The following DNAH6 variants were observed in gnomAD, a reference collection of about 807,000 sequenced individuals.
DNAH6 encodes the protein dynein axonemal heavy chain 6.
A neutral mutation model predicts 491.4 loss-of-function variants in DNAH6; 340 were observed. The observed-to-expected ratio is 0.69, with a 90% CI of 0.63 to 0.76. The LOEUF (loss-of-function observed/expected upper bound fraction) is 0.76, where lower values mean the gene tolerates loss of function less well. DNAH6 is among the 30% of genes least tolerant of loss of function. The pLI is 0.00. For missense variants in DNAH6, 4,443 were observed against 4,972.2 expected, an observed-to-expected ratio of 0.89 and a Z score of 3.20; for synonymous variants, 1,603 against 1,686.1, an observed-to-expected ratio of 0.95 and a Z score of 1.21.
chr2:84,570,529 A>C (rs1216537354), intron 11 of DNAH6, among the ~76,000 whole-genome samples: 5 of 152,218 alleles, frequency 3.3e-5, no homozygotes, highest in African/African-American at 1.2e-4. Context: ...ACCAGTCAGC[A>C]CTCTGTGAAA....
intron 37 of DNAH6, among the ~76,000 whole-genome samples, chr2:84,664,154 G>C (rs1691828742): frequency 6.6e-6 from 1 of 152,124 alleles, no homozygotes; most frequent in Non-Finnish European, 1.5e-5. Flanking sequence ...ATGCCAAATA[G>C]TAAACATCAT....
chr2:84,692,030 T>A (rs1694909277), intron 45 of DNAH6, among the ~76,000 whole-genome samples: 2 of 152,254 alleles, frequency 1.3e-5, no homozygotes, highest in Admixed American at 6.5e-5. Flanking sequence ...TCCTAAATAA[T>A]GACTGGGAGT....
rs968606673 is a variant in DNAH6, at chr2:84,626,464, A to G, written c.4515+1401A>G. Among the ~76,000 whole-genome samples the G allele has an allele frequency of 2.6e-5, 4 of 152,172 alleles. No homozygotes were observed. In the East Asian group the frequency reaches 7.7e-4, roughly 29 times the overall value. ...CAAAGATTGTTCATAGTGGAATTTA[A>G]TAGAATAATTGGCCCCACAGAGAAA... On this transcript the variant is annotated intron_variant, in intron 29 of 76. Coordinates refer to ENST00000389394, the MANE Select transcript of DNAH6 (RefSeq NM_001370.2).
At chr2:84,734,467 T>A (rs1699380568) in intron 62 of DNAH6, among the ~76,000 whole-genome samples, 1 of 152,192 alleles carries the variant, frequency 6.6e-6, no homozygotes, top group African/African-American at 2.4e-5. Flanking sequence ...CATCTTTTTC[T>A]TATTTATAAT....
intron 46 of DNAH6, among the ~76,000 whole-genome samples, chr2:84,696,261 A>G (rs1695372944): frequency 6.6e-6 from 1 of 151,952 alleles, no homozygotes; most frequent in Non-Finnish European, 1.5e-5. Flanking sequence ...AGAAATTTTT[A>G]TTAAATTGTT....
chr2:84,604,542 T>A lies in DNAH6; in HGVS notation c.3072T>A (p.Ile1024=), dbSNP rs1029682765. The A allele has an allele frequency of 1.3e-6, 2 of 1,550,724 alleles. No individual in the cohort carries two copies. The highest frequency in any genetic ancestry group is 2.7e-5 in the African/African-American group (2 of 72,970). ...CTGGAGAAGCTGCCTTAGAAGCAAT[T>A]CTTAAAAAGGTAAATCTGGAATATA... ...QASGEAALEA[I]LKKVEDSWKT... Residue 1024 remains isoleucine (I), a synonymous_variant, in exon 19 of 77, where the codon ATT becomes ATA. Transcript: ENST00000389394.
chr2:84,519,227 A>G (rs72830181), intron 2 of DNAH6, among the ~76,000 whole-genome samples: 1 of 151,498 alleles, frequency 6.6e-6, no homozygotes, highest in Non-Finnish European at 1.5e-5. Flanking sequence ...GCTTGCCTCT[A>G]CTCCACTGGG....
upstream of DNAH6, among the ~76,000 whole-genome samples, chr2:84,513,176 A>T (rs891294979): frequency 6.6e-6 from 1 of 151,908 alleles, no homozygotes; most frequent in African/African-American, 2.4e-5. Flanking sequence ...TTTATAATTA[A>T]TTAAGTTTTT....
intron 11 of DNAH6, among the ~76,000 whole-genome samples, chr2:84,563,746 A>G (rs1263834668): frequency 1.3e-5 from 2 of 152,034 alleles, no homozygotes; most frequent in Non-Finnish European, 1.5e-5. Flanking sequence ...GTTTTTGCAA[A>G]CAACCAACAA....
At chr2:84,767,579 T>C (rs1475634273) in intron 64 of DNAH6, among the ~76,000 whole-genome samples, 3 of 151,964 alleles carry the variant, frequency 2.0e-5, no homozygotes, top group Non-Finnish European at 2.9e-5. Flanking sequence ...TATATATATA[T>C]ATAAAACTGA....
chr2:84,536,229 G>A (rs1023442057), intron 4 of DNAH6, among the ~76,000 whole-genome samples: 1 of 152,016 alleles, frequency 6.6e-6, no homozygotes, highest in Non-Finnish European at 1.5e-5. Flanking sequence ...GAATTGGGAA[G>A]TATTTTGCAA....
chr2:84,679,530 A>G (rs1014918383), intron 41 of DNAH6, among the ~76,000 whole-genome samples: 11 of 152,242 alleles, frequency 7.2e-5, no homozygotes, highest in African/African-American at 2.4e-4. Flanking sequence ...GATCAGCTCC[A>G]TAAACTAGTG....
chr2:84,798,969 ACTC>A (rs1678613573), intron 70 of DNAH6, among the ~76,000 whole-genome samples: 1 of 145,016 alleles, frequency 6.9e-6, no homozygotes, highest in Admixed American at 6.9e-5. Flanking sequence ...GGAGCTGGTC[ACTC>A]CTCTTTTTTT....
intron 32 of DNAH6, 89 bp from the exon 33 acceptor site, chr2:84,641,858 G>T (rs954721624): frequency 2.0e-6 from 2 of 1,010,556 alleles, no homozygotes; most frequent in Non-Finnish European, 2.9e-6. Flanking sequence ...AATCCTCAGG[G>T]GAAGGGCTCT....
At chr2:84,612,054 TTTA>T (rs1686396405) in intron 22 of DNAH6, among the ~76,000 whole-genome samples, 200 bp downstream of exon 22, 1 of 152,090 alleles carries the variant, frequency 6.6e-6, no homozygotes, top group Non-Finnish European at 1.5e-5. Context: ...TGGACTTTTT[TTTA>T]TTATTATTAT....
At position 84,766,413 on chromosome 2, in the gene DNAH6, C is replaced by A. The variant is rs180895717; in HGVS notation, c.10703+3468C>A. Reference sequence around the variant, plus strand: ...ACATTTTGGGAAACAAAAAAATGCACTTCTGCACATCCATGTGTTAAAGGG... The same window carrying A: ...ACATTTTGGGAAACAAAAAAATGCAATTCTGCACATCCATGTGTTAAAGGG... On this transcript the variant is annotated intron_variant, in intron 64 of 76. Coordinates refer to ENST00000389394, the MANE Select transcript of DNAH6 (RefSeq NM_001370.2). Among the ~76,000 whole-genome samples, 89 of 152,216 alleles carry A rather than the reference C, an allele frequency of 5.8e-4. 4 individuals carry two copies. In the East Asian group the frequency reaches 0.01, roughly 17 times the overall value.
chr2:84,571,757 CAAAAAAA>C (rs34657775), intron 11 of DNAH6, among the ~76,000 whole-genome samples: 8 of 104,020 alleles, frequency 7.7e-5, no homozygotes, highest in African/African-American at 2.3e-4. Context: ...ACTAAAATTA[CAAAAAAA>C]AAAAAAAAAA....
intron 62 of DNAH6, among the ~76,000 whole-genome samples, chr2:84,738,424 A>G (rs1260874034): frequency 1.3e-5 from 2 of 152,074 alleles, no homozygotes; most frequent in African/African-American, 4.8e-5. Context: ...TGATCTATCA[A>G]ATGCTATCAA....
At chr2:84,755,642 TCTTA>T (rs912400902) in intron 63 of DNAH6, among the ~76,000 whole-genome samples, 8 of 152,212 alleles carry the variant, frequency 5.3e-5, no homozygotes, top group African/African-American at 1.7e-4. Context: ...CTTTTATTTT[TCTTA>T]CTTAATTGCC....
Sources: gnomAD v4.1 joint callset for allele counts (sites outside exome capture counted in the v4.1 genomes callset) on GRCh38, gnomAD v4.1.1 for gene constraint, MANE v1.5 for transcripts, NCBI Gene and HGNC (gene_info 2026-07-23, HGNC 2026-07-21) for gene names.